DMXL2: variants seen among roughly 807,000 people sequenced by gnomAD.
DMXL2 encodes the protein Dmx like 2.
Under a neutral mutation model 331.1 loss-of-function variants are expected in DMXL2, and 103 were observed. The ratio of observed to expected loss-of-function variants is 0.31; its 90% CI spans 0.27 to 0.37. DMXL2 has a LOEUF of 0.37. Ranked by LOEUF, DMXL2 falls within the 10% of genes least tolerant of loss-of-function variation. The pLI, the probability that DMXL2 is intolerant of heterozygous loss-of-function variation, is 1.00. For synonymous variants in DMXL2, 1,281 were observed against 1,252.1 expected (o/e 1.02, Z -0.49); for missense variants, 3,171 against 3,642.9 (o/e 0.87, Z 3.33).
At chr15:51,562,232 T>C (rs1022276577) in intron 6 of DMXL2, among the ~76,000 whole-genome samples, 9 of 152,210 alleles carry the variant, frequency 5.9e-5, no homozygotes, top group East Asian at 1.9e-4. Context: ...GTATCCCATA[T>C]ATATATCAAT....
chr15:51,537,257 T>C (rs1475989678), intron 11 of DMXL2, among the ~76,000 whole-genome samples: 1 of 152,142 alleles, frequency 6.6e-6, no homozygotes, highest in Non-Finnish European at 1.5e-5. Context: ...TCAACACATA[T>C]ATTTAAATAT....
chr15:51,592,954 A>T (rs962750295), intron 1 of DMXL2, among the ~76,000 whole-genome samples: 3 of 152,260 alleles, frequency 2.0e-5, no homozygotes, highest in African/African-American at 7.2e-5. Context: ...CAGCCACTGT[A>T]AAAACATGCC....
Position 51,538,195 on chromosome 15 carries a change from T to C in DMXL2, c.1345+18A>G, listed in dbSNP as rs747951965. On this transcript the variant is annotated intron_variant, in intron 10 of 43. Transcript: ENST00000560891. ...TGTTAACTTTGGAGTAAGTAAAATC[T>C]GAACACAGGATACTAACCATGGTCT... The C allele has an allele frequency of 3.8e-6, 6 of 1,594,686 alleles. No homozygotes were observed. Among genetic ancestry groups the C allele is most frequent in the Non-Finnish European group, 5.1e-6 (6 of 1,168,966 alleles).
In DMXL2 at chr15:51,499,373, T is replaced by A. The variant is rs1288916629; in HGVS notation, c.3851A>T (p.Glu1284Val). Residue 1284 changes from glutamate (E) to valine (V), a missense_variant, in exon 18 of 44, where the codon GAA (glutamate) becomes GTA (valine). By Grantham distance (121) the Glu-to-Val change is moderately radical. Around this residue, in one of 7 missense-constraint regions of DMXL2, gnomAD observed 1,674 missense variants for 1,780.2 expected, o/e 0.94. Coordinates refer to ENST00000560891, the MANE Select transcript of DMXL2 (RefSeq NM_001378457.1). ...CTCTTCTGCATTAGAACTATCAGCT[T>A]CAGTGTCTCCAAATTTGACAGCATG... is the stretch of plus-strand genomic sequence containing the variant. ...WKHAVKFGDT[E>V]ADSSNAEEAA... 6.2e-7 allele frequency: 1 copy of A among 1,613,806 alleles called. No homozygotes were observed. The highest frequency in any genetic ancestry group is 8.5e-7 in the Non-Finnish European group (1 of 1,179,990).
intron 15 of DMXL2, among the ~76,000 whole-genome samples, chr15:51,511,752 G>A (rs1014959257): frequency 8.5e-5 from 13 of 152,080 alleles, no homozygotes; most frequent in East Asian, 5.8e-4. Flanking sequence ...TATGTTTATC[G>A]CGGCACTGTT....
chr15:51,466,284 C>G lies in DMXL2; in HGVS notation c.7420G>C (p.Val2474Leu), dbSNP rs144695767. 4.9e-5 allele frequency: 73 copies of G among 1,480,020 alleles called. No homozygotes were observed. Among genetic ancestry groups the G allele is most frequent in the Non-Finnish European group, 5.7e-5 (63 of 1,111,480 alleles). 91.7% of individuals were successfully genotyped at this position (1,480,020 alleles called of 1,614,324 possible). A position where few individuals can be genotyped will look rare whatever the true frequency, so the allele number is the denominator to read the frequency against. Residue 2474 changes from valine to leucine, a missense_variant, in exon 30 of 44, where the codon GTT (valine) becomes CTT (leucine). Around this residue, in one of 7 missense-constraint regions of DMXL2, gnomAD observed 766 missense variants for 940.5 expected, o/e 0.81. Transcript: ENST00000560891. ...ATGCTTTCATCAGAATCATATATAA[C>G]ACCACTATCAGACAAAGGAAGAAAT... The part of the protein sequence containing the change: ...KPFLPLSDSG[V>L]IYDSDESIHS...
intron 33 of DMXL2, among the ~76,000 whole-genome samples, chr15:51,461,948 G>A (rs2040165792): frequency 6.6e-6 from 1 of 152,092 alleles, no homozygotes; most frequent in Non-Finnish European, 1.5e-5. Flanking sequence ...AAATGACAGA[G>A]GCAAATAATT....
At chr15:51,506,029 A>G (rs1000338171) in intron 16 of DMXL2, among the ~76,000 whole-genome samples, 2 of 152,244 alleles carry the variant, frequency 1.3e-5, no homozygotes, top group Admixed American at 1.3e-4. Flanking sequence ...TGTGTACAGC[A>G]AAAGAATGGC....
At chr15:51,505,927 T>C (rs1829969819) in intron 16 of DMXL2, among the ~76,000 whole-genome samples, 1 of 152,216 alleles carries the variant, frequency 6.6e-6, no homozygotes, top group Non-Finnish European at 1.5e-5. Flanking sequence ...CAATTATCTC[T>C]CAAAAAGGAA....
intron 1 of DMXL2, among the ~76,000 whole-genome samples, chr15:51,582,719 CAA>C (rs2141180092): frequency 6.6e-6 from 1 of 152,144 alleles, no homozygotes; most frequent in South Asian, 2.1e-4. Flanking sequence ...AGAAATTTCA[CAA>C]GTCACATATA....
At chr15:51,574,019 A>T (rs1366419992) in intron 2 of DMXL2, among the ~76,000 whole-genome samples, 2 of 152,162 alleles carry the variant, frequency 1.3e-5, no homozygotes, top group African/African-American at 4.8e-5. Context: ...AACAGGTCTT[A>T]AAAATATTTC....
At chr15:51,555,579 T>C (rs2049510769) in intron 6 of DMXL2, among the ~76,000 whole-genome samples, 1 of 152,114 alleles carries the variant, frequency 6.6e-6, no homozygotes, top group Admixed American at 6.5e-5. Flanking sequence ...AGAAGACTTT[T>C]AGGGCAGTAA....
intron 41 of DMXL2, among the ~76,000 whole-genome samples, 200 bp from the exon 42 acceptor site, chr15:51,451,897 C>T (rs935562185): frequency 2.0e-5 from 3 of 152,134 alleles, no homozygotes; most frequent in Admixed American, 1.3e-4. Flanking sequence ...TGGTCCTGCC[C>T]GTCTCTGCAT....
In DMXL2 at chr15:51,486,192, C is replaced by T; in HGVS notation, c.5363G>A (p.Cys1788Tyr). The T allele has an allele frequency of 1.9e-6, 3 of 1,614,028 alleles. No homozygotes were observed. The highest frequency in any genetic ancestry group is 2.5e-6 in the Non-Finnish European group (3 of 1,179,980). ...GAAAGGATCAGGATGTAATCTTTTG[C>T]AACTGAATCCTGAGCCATCCTTTTG... The part of the protein sequence containing the change: ...GCQKDGSGFS[C>Y]KRLHPDPFLR... Residue 1788 changes from cysteine to tyrosine, a missense_variant, in exon 23 of 44, where the codon TGC becomes TAC. Coordinates refer to ENST00000560891, the MANE Select transcript of DMXL2 (RefSeq NM_001378457.1).
At chr15:51,492,281 C>T (rs947377097) in intron 19 of DMXL2, among the ~76,000 whole-genome samples, 10 of 152,192 alleles carry the variant, frequency 6.6e-5, no homozygotes, top group Non-Finnish European at 1.3e-4. Context: ...TCCTGGATGT[C>T]GATTCCAGTG....
intron 42 of DMXL2, 33 bp downstream of exon 42, chr15:51,451,612 G>C: frequency 6.5e-7 from 1 of 1,542,370 alleles, no homozygotes; most frequent in South Asian, 1.1e-5. Context: ...TTCCTTCATG[G>C]TATATTTTTA....
chr15:51,578,216 T>A (rs4143724), intron 1 of DMXL2, among the ~76,000 whole-genome samples: 72,095 of 152,020 alleles, frequency 0.47, 17,493 homozygotes, highest in Non-Finnish European at 0.52. Flanking sequence ...CCAAGATTAC[T>A]GTTACTAAAT....
In DMXL2 at chr15:51,464,657, T is replaced by A; in HGVS notation, c.7808+18A>T. On this transcript the variant is annotated intron_variant, in intron 32 of 43. Transcript: ENST00000560891. ...AGTTAAGCTACGCTCTTTATCAGCA[T>A]TATAAGAGCTTTCTTACTTGAATGG... The A allele has an allele frequency of 6.2e-7, 1 of 1,604,540 alleles. No homozygotes were observed. Among genetic ancestry groups the A allele is most frequent in the South Asian group, 1.1e-5 (1 of 90,738 alleles).
chr15:51,474,558 G>C lies in DMXL2; in HGVS notation c.6999C>G (p.Ala2333=), dbSNP rs555063318. The C allele has an allele frequency of 3.1e-5, 50 of 1,613,900 alleles. No individual in the cohort carries two copies. In the South Asian group the frequency reaches 4.8e-4, roughly 16 times the overall value. Residue 2333 remains alanine (A), a synonymous_variant, in exon 28 of 44, where the codon GCC becomes GCG. Transcript: ENST00000560891. ...TCAGTTTTGGCTGGTCTTCATCTTG[G>C]GCTGAACTCAAAAGATTAATAAGTG... ...VSSLINLLSS[A]QDEDQPKLNI... is the part of the protein sequence containing the mutation.
Sources: allele counts gnomAD v4.1 joint callset (sites outside exome capture counted in the v4.1 genomes callset), GRCh38; gene constraint gnomAD v4.1.1; regional missense constraint gnomAD v4.1.1; transcripts MANE v1.5; gene names NCBI Gene and HGNC (gene_info 2026-07-23, HGNC 2026-07-21).